Variants in AR observed in about 807,000 individuals in gnomAD.
The protein encoded by AR is androgen receptor, also known as dihydrotestosterone receptor.
AR carries 8 observed loss-of-function variants against 53.9 expected under a neutral mutation model. The observed-to-expected ratio is 0.15, with a 90% CI of 0.09 to 0.27. The LOEUF is 0.27. Ranked by LOEUF, AR falls within the 10% of genes least tolerant of loss-of-function variation. AR has a pLI of 1.00. For synonymous variants in AR, 359 were observed against 316.4 expected, an observed-to-expected ratio of 1.13 and a Z score of -1.43; for missense variants, 639 against 742.5, an observed-to-expected ratio of 0.86 and a Z score of 1.62.
At position 67,655,687 on chromosome X, in the gene AR, C is replaced by A. The variant is rs746092851; in HGVS notation, c.1768+12280C>A. Reference sequence around the variant, plus strand: ...GTGTGACCTTGGGAAAATGATACCACCCCCAAAGGCTTAGTTTTCTTAACT... The same window carrying A: ...GTGTGACCTTGGGAAAATGATACCAACCCCAAAGGCTTAGTTTTCTTAACT... On this transcript the variant is annotated intron_variant, in intron 2 of 7. Coordinates refer to ENST00000374690, the MANE Select transcript of AR (RefSeq NM_000044.6). Among the ~76,000 whole-genome samples, 38 of 111,009 alleles carry A rather than the reference C, an allele frequency of 3.4e-4. No homozygotes were observed. The South Asian group carries it at 0.014, about 42-fold the overall frequency.
At chrX:67,645,945 C>G (rs1047858321) in intron 2 of AR, among the ~76,000 whole-genome samples, 3 of 111,642 alleles carry the variant, frequency 2.7e-5, no homozygotes, top group African/African-American at 9.8e-5. Context: ...GCCCATATGG[C>G]CTTTCTGGAG....
At chrX:67,624,904 C>CAAA (rs140323582) in intron 1 of AR, among the ~76,000 whole-genome samples, 485 of 18,188 alleles carry the variant, frequency 0.027, no homozygotes, top group South Asian at 0.042. Context: ...GGCAATTAGG[C>CAAA]AAAAAAAAAA....
At position 67,546,113 on chromosome X, in the gene AR, G is replaced by A. The variant is rs1021234843; in HGVS notation, c.967G>A (p.Glu323Lys). Residue 323 changes from glutamate (E) to lysine (K), a missense_variant, in exon 1 of 8, where the codon GAG (glutamate) becomes AAG (lysine). Glu to Lys is a moderately conservative substitution (Grantham distance 56). Coordinates refer to ENST00000374690, the MANE Select transcript of AR (RefSeq NM_000044.6). ...AGGTTACACCAAAGGGCTAGAAGGC[G>A]AGAGCCTAGGCTGCTCTGGCAGCGC... ...KGGYTKGLEGESLGCSGSAAA... is the reference protein window; with the variant it reads ...KGGYTKGLEGKSLGCSGSAAA... 1 of 1,212,276 alleles carries A rather than the reference G, an allele frequency of 8.2e-7. No homozygotes were observed. Among genetic ancestry groups the A allele is most frequent in the Non-Finnish European group, 1.1e-6 (1 of 895,586 alleles).
In AR at chrX:67,724,216, A is replaced by G; in HGVS notation, c.*375A>G. On this transcript the variant is annotated 3_prime_UTR_variant, in exon 8 of 8. Coordinates refer to ENST00000374690, the MANE Select transcript of AR (RefSeq NM_000044.6). ...AGCCACACAAACGTTTACTTATCTT[A>G]TGCCACGGGAAGTTTAGAGAGCTAA... 5.3e-6 allele frequency: 1 copy of G among 189,920 alleles called. No homozygotes were observed. Among genetic ancestry groups the G allele is most frequent in the Non-Finnish European group, 9.8e-6 (1 of 102,058 alleles). The allele number at this position is 189,920 out of a possible 1,213,427, so 15.7% of individuals were successfully genotyped here. A position where few individuals can be genotyped will look rare whatever the true frequency, so the allele number is the denominator to read the frequency against.
At chrX:67,693,415 G>GA (rs1175957604) in intron 3 of AR, among the ~76,000 whole-genome samples, 1 of 111,638 alleles carries the variant, frequency 9.0e-6, no homozygotes, top group East Asian at 2.8e-4. Flanking sequence ...AATAATTCAG[G>GA]AAAAAAGCTT....
chrX:67,680,595 T>A (rs969008470), intron 2 of AR: 105 of 292,491 alleles, frequency 3.6e-4, no homozygotes, highest in Admixed American at 1.1e-3. Flanking sequence ...TGAGAAATAC[T>A]ACATTCTTCA....
At chrX:67,634,090 CAG>C (rs1430864688) in intron 1 of AR, among the ~76,000 whole-genome samples, 1 of 111,344 alleles carries the variant, frequency 9.0e-6, no homozygotes. Flanking sequence ...CAAGCTATAA[CAG>C]AAATATTATA....
chrX:67,604,740 T>C (rs187433293), intron 1 of AR, among the ~76,000 whole-genome samples: 28 of 111,957 alleles, frequency 2.5e-4, no homozygotes, highest in Non-Finnish European at 4.5e-4. Flanking sequence ...GAAAGTTTCA[T>C]ACCCTCTTTT....
intron 1 of AR, among the ~76,000 whole-genome samples, chrX:67,569,536 C>A (rs1159880973): frequency 9.0e-6 from 1 of 111,588 alleles, no homozygotes; most frequent in African/African-American, 3.3e-5. Context: ...CTAGTGGGAA[C>A]GTGTCTTTTC....
chrX:67,545,817 A>G lies in AR; in HGVS notation c.671A>G (p.Asn224Ser). ...GGGGCTCCCACTTCCTCCAAGGACA[A>G]TTACTTAGGGGGCACTTCGACCATT... Reference protein sequence around the residue: ...ASGAPTSSKDNYLGGTSTISD... With the variant: ...ASGAPTSSKDSYLGGTSTISD... The change falls in exon 1 of 8, where the codon AAT (asparagine) becomes AGT (serine). Residue 224 changes from asparagine (N) to serine (S), a missense_variant. This residue lies in a region of AR where 423 missense variants were observed against 377.0 expected (regional missense o/e 1.12). Coordinates refer to ENST00000374690, the MANE Select transcript of AR (RefSeq NM_000044.6). 1 of 1,212,037 alleles carries G rather than the reference A, an allele frequency of 8.3e-7. No individual in the cohort carries two copies. The highest frequency in any genetic ancestry group is 1.8e-5 in the South Asian group (1 of 56,987).
At chrX:67,568,965 A>G in intron 1 of AR, 1 of 1,210,338 alleles carries the variant, frequency 8.3e-7, no homozygotes, top group South Asian at 1.8e-5. Context: ...AGGGAAACGA[A>G]TGCAGAGTGC....
rs374633033 is a variant in AR, at chrX:67,705,857, G to A, written c.1886-5545G>A. Reference sequence around the variant, plus strand: ...TTTATTGAGAGTTTTTAGCATGAAGGGCTGTTGAATTTTGTCAAAGGCCTT... The same window carrying A: ...TTTATTGAGAGTTTTTAGCATGAAGAGCTGTTGAATTTTGTCAAAGGCCTT... On this transcript the variant is annotated intron_variant, in intron 3 of 7. Coordinates refer to ENST00000374690, the MANE Select transcript of AR (RefSeq NM_000044.6). 1.6e-4 allele frequency among the ~76,000 whole-genome samples: 18 copies of A among 111,471 alleles called. 1 individual carries two copies. The South Asian group carries it at 6.1e-3, about 38-fold the overall frequency.
At chrX:67,626,843 A>G (rs1924686591) in intron 1 of AR, among the ~76,000 whole-genome samples, 1 of 86,483 alleles carries the variant, frequency 1.2e-5, no homozygotes, top group Non-Finnish European at 2.2e-5. Context: ...ATGTGTTCTC[A>G]TTGTTCAATT....
chrX:67,683,417 A>T (rs1041343792), intron 2 of AR, among the ~76,000 whole-genome samples: 3 of 112,059 alleles, frequency 2.7e-5, no homozygotes, highest in African/African-American at 6.5e-5. Flanking sequence ...AAACTCTGTA[A>T]ATATATTGCA....
intron 3 of AR, among the ~76,000 whole-genome samples, chrX:67,701,053 A>G (rs990503210): frequency 1.8e-5 from 2 of 111,706 alleles, no homozygotes; most frequent in African/African-American, 6.5e-5. Flanking sequence ...ATTCAGTAGA[A>G]CTTTCTGAGA....
At chrX:67,550,902 C>A (rs1189159300) in intron 1 of AR, among the ~76,000 whole-genome samples, 1 of 105,098 alleles carries the variant, frequency 9.5e-6, no homozygotes, top group Non-Finnish European at 1.9e-5. Flanking sequence ...TAAAGAATTT[C>A]TTTTTTAAAA....
chrX:67,602,284 A>G (rs185285075), intron 1 of AR, among the ~76,000 whole-genome samples: 1 of 112,091 alleles, frequency 8.9e-6, no homozygotes, highest in Non-Finnish European at 1.9e-5. Context: ...TGCCTCACTT[A>G]GTTAAAATCC....
intron 3 of AR, among the ~76,000 whole-genome samples, chrX:67,697,431 C>T (rs187043122): frequency 1.8e-5 from 2 of 111,422 alleles, no homozygotes; most frequent in African/African-American, 6.5e-5. Context: ...CATCCGAAAA[C>T]TCACAACAAC....
chrX:67,658,492 C>A (rs1381052926), intron 2 of AR, among the ~76,000 whole-genome samples: 1 of 111,909 alleles, frequency 8.9e-6, no homozygotes, highest in Non-Finnish European at 1.9e-5. Context: ...CTATGTTGCC[C>A]AGGCTGCAGT....
Sources: gnomAD v4.1 joint callset for allele counts (sites outside exome capture counted in the v4.1 genomes callset) on GRCh38, gnomAD v4.1.1 for gene constraint, gnomAD v4.1.1 regional missense constraint, MANE v1.5 for transcripts, NCBI Gene and HGNC (gene_info 2026-07-23, HGNC 2026-07-21) for gene names.